Variants in SNX19 observed in about 807,000 individuals in gnomAD.
SNX19 encodes sorting nexin-19.
Under a neutral mutation model 85.2 loss-of-function variants are expected in SNX19, and 60 were observed. The observed-to-expected ratio is 0.70, with a 90% CI of 0.57 to 0.87. The LOEUF is 0.87. Among genes scored for constraint, SNX19 ranks in the 40% least tolerant of loss-of-function variants. The pLI, the probability that SNX19 is intolerant of heterozygous loss-of-function variation, is 0.00. For synonymous variants in SNX19, 520 were observed against 470.0 expected, an observed-to-expected ratio of 1.11 and a Z score of -1.38; for missense variants, 1,201 against 1,217.8, an observed-to-expected ratio of 0.99 and a Z score of 0.21.
rs144492372 is a variant in SNX19, at chr11:130,884,389, G to A, written c.2574-3583C>T. 5.3e-3 allele frequency among the ~76,000 whole-genome samples: 808 copies of A among 152,110 alleles called. 14 individuals are homozygous for A. Among genetic ancestry groups the A allele is most frequent in the Non-Finnish European group, 4.8e-3 (323 of 67,998 alleles). The stretch of plus-strand genomic sequence containing the variant: ...GAGTGGGAAGGTTAAAAAGAGATTC[G>A]TAACCCTATAGAGCTCTCTTTAAGT... On this transcript the variant is annotated intron_variant, in intron 8 of 10. Transcript: ENST00000265909.
At chr11:130,913,122 A>G (rs912640495) in intron 1 of SNX19, among the ~76,000 whole-genome samples, 2 of 152,188 alleles carry the variant, frequency 1.3e-5, no homozygotes, top group Non-Finnish European at 2.9e-5. Flanking sequence ...TCTATCCATC[A>G]ACTTAATTTT....
chr11:130,916,042 G>T lies in SNX19; in HGVS notation c.-103C>A. ...CTGTGTCTCAGATATGGGGCGATCT[G>T]GGTGCTGTTCAGGGAACCGGGGCTC... On this transcript the variant is annotated 5_prime_UTR_variant, in exon 1 of 11. Transcript: ENST00000265909. 9.1e-7 allele frequency: 1 copy of T among 1,096,014 alleles called. No individual in the cohort carries two copies. The highest frequency in any genetic ancestry group is 1.3e-6 in the Non-Finnish European group (1 of 763,868). The allele number at this position is 1,096,014 out of a possible 1,614,324, so 67.9% of individuals were successfully genotyped here. A position where few individuals can be genotyped will look rare whatever the true frequency, so the allele number is the denominator to read the frequency against.
intron 1 of SNX19, among the ~76,000 whole-genome samples, chr11:130,912,970 TAC>T (rs1419493712): frequency 6.6e-6 from 1 of 152,228 alleles, no homozygotes. Flanking sequence ...AATTTCAAAC[TAC>T]TCATAATTGG....
chr11:130,886,013 T>C (rs1944037070), intron 8 of SNX19, among the ~76,000 whole-genome samples: 1 of 152,154 alleles, frequency 6.6e-6, no homozygotes, highest in Non-Finnish European at 1.5e-5. Flanking sequence ...TCAAACTAGA[T>C]GCTAGTTTTG....
In SNX19 at chr11:130,878,396, C is replaced by T. The variant is rs1943390084; in HGVS notation, c.*26G>A. On this transcript the variant is annotated 3_prime_UTR_variant, in exon 11 of 11. Transcript: ENST00000265909. ...TGGCCGAGTAACTCTACTTCCCTGA[C>T]CTGGGAAGAAGGCGTGAATAACCAG... 1 of 1,610,348 alleles carries T rather than the reference C, an allele frequency of 6.2e-7. No individual in the cohort carries two copies. Among genetic ancestry groups the T allele is most frequent in the African/African-American group, 1.3e-5 (1 of 74,606 alleles).
At chr11:130,882,013 C>T (rs554078693) in intron 8 of SNX19, among the ~76,000 whole-genome samples, 28 of 152,174 alleles carry the variant, frequency 1.8e-4, no homozygotes, top group East Asian at 5.8e-4. Context: ...GTCTTACTTT[C>T]GAAAATGAGT....
At chr11:130,909,776 G>C (rs1473468800) in intron 4 of SNX19, among the ~76,000 whole-genome samples, 1 of 152,168 alleles carries the variant, frequency 6.6e-6, no homozygotes, top group Non-Finnish European at 1.5e-5. Flanking sequence ...GGAGATATGT[G>C]TACACTTAAG....
At position 130,880,822 on chromosome 11, in the gene SNX19, G is replaced by A. The variant is rs988992698; in HGVS notation, c.2574-16C>T. ...CTCTAGCCACCTGTGGTAGAAGAGA[G>A]ACGAAAGCTTAGATAAAGCTGAAGG... On this transcript the variant is annotated splice_polypyrimidine_tract_variant and intron_variant, in intron 8 of 10. Coordinates refer to ENST00000265909, the MANE Select transcript of SNX19 (RefSeq NM_014758.3). The A allele has an allele frequency of 6.5e-7, 1 of 1,533,960 alleles. No homozygotes were observed. Among genetic ancestry groups the A allele is most frequent in the Non-Finnish European group, 8.9e-7 (1 of 1,127,200 alleles).
Position 130,903,336 on chromosome 11 carries a change from A to C in SNX19, c.2492T>G (p.Leu831Arg). The stretch of plus-strand genomic sequence containing the variant: ...TAGCCATTTCCACTGTTCTGTTAGT[A>C]GCAAGAGGAGCAGATCCAGGGCTGT... ...ADTALDLLLL[L>R]LTEQWKWLCT... Residue 831 changes from leucine (L) to arginine (R), a missense_variant, in exon 8 of 11, where the codon CTA becomes CGA. Coordinates refer to ENST00000265909, the MANE Select transcript of SNX19 (RefSeq NM_014758.3). 1 of 1,613,558 alleles carries C rather than the reference A, an allele frequency of 6.2e-7. No homozygotes were observed.
intron 9 of SNX19, 144 bp from the exon 10 acceptor site, chr11:130,879,855 CCT>C (rs1259703579): frequency 1.2e-5 from 8 of 645,178 alleles, no homozygotes; most frequent in Non-Finnish European, 2.2e-5. Flanking sequence ...AAACTAAAAT[CCT>C]CACAAAACAG....
intron 8 of SNX19, among the ~76,000 whole-genome samples, chr11:130,890,685 G>C (rs543391302): frequency 6.6e-6 from 1 of 151,926 alleles, no homozygotes; most frequent in South Asian, 2.1e-4. Flanking sequence ...CTCTCTCACT[G>C]TCCGCTGGCA....
At position 130,869,147 on chromosome 11, in the gene SNX19, C is replaced by T. The variant is rs1158050221; in HGVS notation, c.*9275G>A. 6.6e-6 allele frequency: 1 copy of T among 152,240 alleles called. No individual in the cohort carries two copies. Among genetic ancestry groups the T allele is most frequent in the Non-Finnish European group, 1.5e-5 (1 of 68,060 alleles). 9.4% of individuals were successfully genotyped at this position (152,240 alleles called of 1,614,324 possible). A position where few individuals can be genotyped will look rare whatever the true frequency, so the allele number is the denominator to read the frequency against. On this transcript the variant is annotated 3_prime_UTR_variant, in exon 11 of 11. Coordinates refer to ENST00000265909, the MANE Select transcript of SNX19 (RefSeq NM_014758.3). ...CAGCCCAGTAGGGAAGACAGACCAACAGGCAAACCCTAAGGGCGGGTTAGA... is the reference window on the plus strand; with the variant it reads ...CAGCCCAGTAGGGAAGACAGACCAATAGGCAAACCCTAAGGGCGGGTTAGA...
intron 3 of SNX19, 53 bp downstream of exon 3, chr11:130,910,217 G>T (rs755229207): frequency 1.2e-6 from 2 of 1,612,022 alleles, no homozygotes; most frequent in Non-Finnish European, 1.7e-6. Context: ...GGTGTTCTGG[G>T]GTTAGACACC....
intron 8 of SNX19, among the ~76,000 whole-genome samples, chr11:130,885,307 T>C (rs1592287779): frequency 6.6e-6 from 1 of 152,156 alleles, no homozygotes; most frequent in East Asian, 1.9e-4. Context: ...GGACTGCACA[T>C]CCACTCCATG....
chr11:130,914,755 A>G lies in SNX19; in HGVS notation c.1185T>C (p.Ser395=), dbSNP rs1946414542. 8.1e-6 allele frequency: 13 copies of G among 1,614,202 alleles called. No individual in the cohort carries two copies. Among genetic ancestry groups the G allele is most frequent in the Non-Finnish European group, 1.0e-5 (12 of 1,180,042 alleles). The part of the protein sequence containing the change: ...IMLMTPGSFL[S]DRIQDALCAL... ...CACACAGGGCATCCTGAATCCTGTC[A>G]GAGAGAAAGCTGCCTGGAGTCATGA... The change falls in exon 1 of 11, where the codon TCT becomes TCC. Residue 395 remains serine (S), a synonymous_variant. Coordinates refer to ENST00000265909, the MANE Select transcript of SNX19 (RefSeq NM_014758.3).
In SNX19 at chr11:130,870,782, T is replaced by A. The variant is rs1402471986; in HGVS notation, c.*7640A>T. 6.7e-6 allele frequency among the ~76,000 whole-genome samples: 1 copy of A among 150,334 alleles called. No individual in the cohort carries two copies. The highest frequency in any genetic ancestry group is 1.5e-5 in the Non-Finnish European group (1 of 67,564). On this transcript the variant is annotated 3_prime_UTR_variant, in exon 11 of 11. Transcript: ENST00000265909. ...TAATCTTTAATTAAGTAAACTTTAA[T>A]ATTTATTTTGTACCTATCATGCACT...
rs1184944440 is a variant in SNX19, at chr11:130,874,030, T to A, written c.*4392A>T. ...ATGAGTCATAAGAGGTTTTTTGTTT[T>A]TTTTTTTTTTATTTGGGGTCTCACT... is the stretch of plus-strand genomic sequence containing the variant. On this transcript the variant is annotated 3_prime_UTR_variant, in exon 11 of 11. Coordinates refer to ENST00000265909, the MANE Select transcript of SNX19 (RefSeq NM_014758.3). Among the ~76,000 whole-genome samples, 7 of 145,822 alleles carry A rather than the reference T, an allele frequency of 4.8e-5. No individual in the cohort carries two copies. The highest frequency in any genetic ancestry group is 2.4e-4 in the South Asian group (1 of 4,138).
intron 8 of SNX19, among the ~76,000 whole-genome samples, chr11:130,888,003 C>T (rs368602750): frequency 2.7e-4 from 41 of 151,642 alleles, no homozygotes; most frequent in Non-Finnish European, 1.5e-4. Context: ...CTCATACAGC[C>T]GAAGATTGTG....
intron 8 of SNX19, chr11:130,903,027 C>A: frequency 2.0e-6 from 1 of 498,406 alleles, no homozygotes; most frequent in Non-Finnish European, 3.5e-6. Flanking sequence ...GTGTCTGCAA[C>A]TCAGTACATT....
Sources: gnomAD v4.1 joint callset for allele counts (sites outside exome capture counted in the v4.1 genomes callset) on GRCh38, gnomAD v4.1.1 for gene constraint, MANE v1.5 for transcripts, NCBI Gene and HGNC (gene_info 2026-07-23, HGNC 2026-07-21) for gene names.